LRP1B: variants seen among roughly 807,000 people sequenced by gnomAD.
LRP1B encodes the protein LDL receptor related protein 1B, also known as low-density lipoprotein receptor-related protein 1B.
A neutral mutation model predicts 556.6 loss-of-function variants in LRP1B; 217 were observed. That is an observed-to-expected ratio of 0.39 (90% CI 0.35 to 0.44). The LOEUF (loss-of-function observed/expected upper bound fraction) is 0.44. LRP1B is among the 20% of genes least tolerant of loss of function. The pLI is 1.00. For synonymous variants in LRP1B, 2,047 were observed against 1,865.8 expected, an observed-to-expected ratio of 1.10 and a Z score of -2.50; for missense variants, 5,053 against 5,620.8, an observed-to-expected ratio of 0.90 and a Z score of 3.23.
At chr2:140,239,565 T>TAAA (rs1558918631) in intron 87 of LRP1B, 33 bp from the exon 88 acceptor site, 1 of 1,391,964 alleles carries the variant, frequency 7.2e-7, no homozygotes, top group Admixed American at 1.8e-5. Flanking sequence ...GATGAAGAAA[T>TAAA]AAATAAAATG....
chr2:140,383,004 A>G (rs1471084670), intron 67 of LRP1B, among the ~76,000 whole-genome samples: 4 of 152,180 alleles, frequency 2.6e-5, no homozygotes, highest in Non-Finnish European at 5.9e-5. Context: ...TAGCTGAACC[A>G]TATAGTTTAG....
intron 3 of LRP1B, among the ~76,000 whole-genome samples, chr2:141,339,362 A>G (rs183447774): frequency 6.6e-6 from 1 of 152,144 alleles, no homozygotes; most frequent in Admixed American, 6.5e-5. Context: ...AACTTTCTAA[A>G]GTCAATACTC....
chr2:142,050,171 TAC>T (rs1704405277), intron 1 of LRP1B, among the ~76,000 whole-genome samples: 2 of 152,154 alleles, frequency 1.3e-5, no homozygotes, highest in African/African-American at 2.4e-5. Flanking sequence ...TACATAGGTA[TAC>T]ACACACAGAG....
intron 2 of LRP1B, among the ~76,000 whole-genome samples, chr2:141,501,586 T>C (rs1044175150): frequency 6.6e-6 from 1 of 152,162 alleles, no homozygotes; most frequent in Non-Finnish European, 1.5e-5. Flanking sequence ...GTTATTGTTG[T>C]TGAAGTTGCA....
chr2:140,587,198 G>A (rs905611912), intron 43 of LRP1B, among the ~76,000 whole-genome samples: 1 of 151,936 alleles, frequency 6.6e-6, no homozygotes, highest in Admixed American at 6.6e-5. Context: ...AAAACTGAAC[G>A]AAGCTCCAGT....
intron 85 of LRP1B, 151 bp from the exon 86 acceptor site, chr2:140,270,497 C>A: frequency 3.5e-6 from 2 of 570,744 alleles, no homozygotes; most frequent in Middle Eastern, 3.5e-4. Flanking sequence ...GTCTGACTCA[C>A]TAGAGGCAGT....
At chr2:141,649,463 T>G (rs1009936302) in intron 2 of LRP1B, among the ~76,000 whole-genome samples, 1 of 152,176 alleles carries the variant, frequency 6.6e-6, no homozygotes, top group Non-Finnish European at 1.5e-5. Context: ...TAAACTTTAT[T>G]AAGAAAAATG....
chr2:141,335,478 T>C (rs773696994), intron 3 of LRP1B, among the ~76,000 whole-genome samples: 4 of 152,178 alleles, frequency 2.6e-5, no homozygotes, highest in Non-Finnish European at 5.9e-5. Context: ...AAGGACCTTG[T>C]CTGCCATCAA....
intron 1 of LRP1B, among the ~76,000 whole-genome samples, chr2:142,128,839 CCT>C (rs1458042913): frequency 6.6e-6 from 1 of 152,130 alleles, no homozygotes; most frequent in Non-Finnish European, 1.5e-5. Context: ...CAAATATAAT[CCT>C]CTTAGTTATT....
intron 3 of LRP1B, among the ~76,000 whole-genome samples, chr2:141,319,053 A>G (rs574694935): frequency 1.3e-5 from 2 of 152,170 alleles, no homozygotes; most frequent in South Asian, 4.1e-4. Context: ...AAGAGACCTA[A>G]AGTTGCTTTA....
intron 3 of LRP1B, among the ~76,000 whole-genome samples, chr2:141,349,364 A>G (rs1688367351): frequency 6.6e-6 from 1 of 152,026 alleles, no homozygotes; most frequent in South Asian, 2.1e-4. Flanking sequence ...AGCTTTGTCA[A>G]TTAGAGTGTC....
intron 7 of LRP1B, among the ~76,000 whole-genome samples, chr2:141,104,861 A>G (rs1700566100): frequency 6.6e-6 from 1 of 151,968 alleles, no homozygotes; most frequent in Admixed American, 6.6e-5. Flanking sequence ...CGTTAATATG[A>G]TTATTGAGTC....
At chr2:141,045,064 T>C (rs200608048) in intron 11 of LRP1B, among the ~76,000 whole-genome samples, 7 of 151,018 alleles carry the variant, frequency 4.6e-5, no homozygotes, top group African/African-American at 1.7e-4. Context: ...ACGTGGCACA[T>C]ATACACCACG....
chr2:141,822,666 G>GT (rs1451344783), intron 1 of LRP1B, among the ~76,000 whole-genome samples: 1 of 151,978 alleles, frequency 6.6e-6, no homozygotes, highest in Non-Finnish European at 1.5e-5. Flanking sequence ...GACTACAATT[G>GT]TTTTTTATCT....
chr2:140,640,168 AATTTTTT>A (rs950889201), intron 41 of LRP1B, among the ~76,000 whole-genome samples: 1 of 150,478 alleles, frequency 6.6e-6, no homozygotes, highest in African/African-American at 2.4e-5. Context: ...TCGCCTGGCT[AATTTTTT>A]TTGTATTTTT....
chr2:140,429,105 C>T (rs978209560), intron 66 of LRP1B, among the ~76,000 whole-genome samples: 7 of 152,116 alleles, frequency 4.6e-5, no homozygotes, highest in African/African-American at 1.4e-4. Context: ...ACCTAATCAC[C>T]CTTACCCTGC....
intron 21 of LRP1B, among the ~76,000 whole-genome samples, chr2:140,908,300 T>C (rs576351268): frequency 1.2e-3 from 180 of 149,608 alleles, no homozygotes; most frequent in African/African-American, 4.2e-3. Flanking sequence ...ATATTTTCTT[T>C]AGATTCAAGT....
intron 1 of LRP1B, among the ~76,000 whole-genome samples, chr2:141,943,362 A>G (rs1700870158): frequency 6.6e-6 from 1 of 152,168 alleles, no homozygotes; most frequent in Non-Finnish European, 1.5e-5. Flanking sequence ...TTTACATCTC[A>G]CTTTCAGAAA....
chr2:141,018,063 T>C (rs1216334388), intron 12 of LRP1B, among the ~76,000 whole-genome samples: 1 of 151,596 alleles, frequency 6.6e-6, no homozygotes, highest in African/African-American at 2.4e-5. Context: ...ATGAGAATTC[T>C]TAAACACACA....
Sources: allele counts gnomAD v4.1 joint callset (sites outside exome capture counted in the v4.1 genomes callset), GRCh38; gene constraint gnomAD v4.1.1; transcripts MANE v1.5; gene names NCBI Gene and HGNC (gene_info 2026-07-23, HGNC 2026-07-21).